VPS13D: variants seen among roughly 807,000 people sequenced by gnomAD.
VPS13D encodes the protein intermembrane lipid transfer protein VPS13D.
A neutral mutation model predicts 461.9 loss-of-function variants in VPS13D; 187 were observed. The ratio of observed to expected loss-of-function variants is 0.40; its 90% CI spans 0.36 to 0.46. The LOEUF is 0.46. VPS13D is among the 20% of genes least tolerant of loss of function. VPS13D has a pLI of 0.60. For synonymous variants in VPS13D, 1,951 were observed against 1,986.3 expected (o/e 0.98, Z 0.47); for missense variants, 4,711 against 5,364.9 (o/e 0.88, Z 3.81).
At chr1:12,278,770 T>G (rs1277122094) in intron 19 of VPS13D, among the ~76,000 whole-genome samples, 1 of 152,232 alleles carries the variant, frequency 6.6e-6, no homozygotes, top group East Asian at 1.9e-4. Context: ...GTAAATAGTT[T>G]GTGGATATTA....
At chr1:12,262,233 G>A (rs1252205619) in intron 13 of VPS13D, among the ~76,000 whole-genome samples, 153 bp downstream of exon 13, 1 of 152,102 alleles carries the variant, frequency 6.6e-6, no homozygotes, top group Non-Finnish European at 1.5e-5. Flanking sequence ...GGAAATACTG[G>A]GTTAGGTTCA....
chr1:12,277,668 A>G lies in VPS13D; in HGVS notation c.4080A>G (p.Ile1360Met). 6.2e-7 allele frequency: 1 copy of G among 1,614,210 alleles called. No homozygotes were observed. The highest frequency in any genetic ancestry group is 1.3e-5 in the African/African-American group (1 of 75,058). The change falls in exon 19 of 70, where the codon ATA becomes ATG. Residue 1360 changes from isoleucine to methionine, a missense_variant. Physicochemically the swap from Ile to Met is conservative, Grantham distance 10. This residue lies in a region of VPS13D where 4,411 missense variants were observed against 4,937.8 expected (regional missense o/e 0.89). Transcript: ENST00000620676. The stretch of plus-strand genomic sequence containing the variant: ...CCTTTATCTTAGAGGAAAATGAAAT[A>G]TATGGGTTTGACCTAGCTTCGTCTC... ...REPFILEENE[I>M]YGFDLASSHL...
intron 6 of VPS13D, 28 bp from the exon 7 acceptor site, chr1:12,253,694 A>G (rs1286605412): frequency 6.5e-6 from 10 of 1,535,438 alleles, no homozygotes; most frequent in East Asian, 2.2e-5. Flanking sequence ...CAGTCATCCT[A>G]TTTTCTTCTT....
At chr1:12,445,311 G>A (rs541493275) in intron 65 of VPS13D, among the ~76,000 whole-genome samples, 7 of 152,284 alleles carry the variant, frequency 4.6e-5, no homozygotes, top group Middle Eastern at 3.4e-3. Context: ...CTTTCTAGTC[G>A]TTGAAGGTTT....
intron 60 of VPS13D, among the ~76,000 whole-genome samples, chr1:12,394,726 T>A (rs1365724920): frequency 6.6e-6 from 1 of 151,978 alleles, no homozygotes; most frequent in East Asian, 1.9e-4. Flanking sequence ...TTGGATCCCT[T>A]CCTGTACGTT....
chr1:12,292,334 T>C (rs1225526546), intron 23 of VPS13D, among the ~76,000 whole-genome samples: 1 of 150,902 alleles, frequency 6.6e-6, no homozygotes, highest in African/African-American at 2.4e-5. Context: ...TTCAACCCTT[T>C]TTTTTTTCTT....
intron 67 of VPS13D, among the ~76,000 whole-genome samples, chr1:12,468,845 C>T (rs1169438196): frequency 6.6e-6 from 1 of 152,068 alleles, no homozygotes; most frequent in African/African-American, 2.4e-5. Context: ...CCAGCCTGGG[C>T]AACATAGTGA....
intron 40 of VPS13D, among the ~76,000 whole-genome samples, chr1:12,340,749 TA>T (rs1183680194): frequency 1.3e-5 from 2 of 152,238 alleles, no homozygotes; most frequent in African/African-American, 4.8e-5. Context: ...GCTAGACACA[TA>T]AGAAGATTGA....
intron 56 of VPS13D, 122 bp from the exon 57 acceptor site, chr1:12,379,366 T>C (rs1324528602): frequency 1.3e-6 from 1 of 796,556 alleles, no homozygotes; most frequent in African/African-American, 1.8e-5. Context: ...AACTACCCAT[T>C]CAGTTTTAAG....
intron 65 of VPS13D, among the ~76,000 whole-genome samples, chr1:12,427,751 G>A (rs1644940822): frequency 6.6e-6 from 1 of 152,166 alleles, no homozygotes; most frequent in Non-Finnish European, 1.5e-5. Flanking sequence ...AATGGATACT[G>A]AGGGACAGCT....
chr1:12,369,350 C>A, intron 53 of VPS13D, 117 bp from the exon 54 acceptor site: 5 of 876,618 alleles, frequency 5.7e-6, no homozygotes, highest in Non-Finnish European at 9.0e-6. Flanking sequence ...GGGCTTATTT[C>A]CTGTGTAAGA....
rs770870039 is a variant in VPS13D, at chr1:12,256,415, A to G, written c.752A>G (p.Asn251Ser). The G allele has an allele frequency of 5.0e-6, 8 of 1,614,072 alleles. 1 individual carries two copies. In the South Asian group the frequency reaches 5.5e-5, roughly 11 times the overall value. ...PVFASALLKR[N>S]CSKKPLRSRH... ...TTTGCATCTGCTCTTTTGAAGAGAA[A>G]CTGCTCCAAGAAGCCCCTGCGGTCT... Residue 251 changes from asparagine (N) to serine (S), a missense_variant, in exon 8 of 70, where the codon AAC becomes AGC. Physicochemically the swap from Asn to Ser is conservative, Grantham distance 46 (BLOSUM62 1). Coordinates refer to ENST00000620676, the MANE Select transcript of VPS13D (RefSeq NM_015378.4).
intron 4 of VPS13D, 35 bp downstream of exon 4, chr1:12,244,471 TGTGGTGACAC>T: frequency 6.2e-7 from 1 of 1,614,060 alleles, no homozygotes; most frequent in East Asian, 2.2e-5. Context: ...TAAGAGCAGT[TGTGGTGACAC>T]GTGTAAGATG....
chr1:12,400,455 A>C, intron 61 of VPS13D, 125 bp downstream of exon 61: 1 of 1,135,140 alleles, frequency 8.8e-7, no homozygotes, highest in Non-Finnish European at 1.3e-6. Flanking sequence ...GTTAAACCAC[A>C]TGTGACATAA....
At chr1:12,354,251 A>G (rs1213182905) in intron 47 of VPS13D, 30 bp downstream of exon 47, 2 of 1,608,736 alleles carry the variant, frequency 1.2e-6, no homozygotes, top group African/African-American at 1.3e-5. Context: ...ATCATTTGTC[A>G]TAATCCTATG....
At chr1:12,259,535 C>T (rs1641036602) in intron 10 of VPS13D, among the ~76,000 whole-genome samples, 1 of 152,070 alleles carries the variant, frequency 6.6e-6, no homozygotes, top group Non-Finnish European at 1.5e-5. Context: ...AACTCCTGGG[C>T]TCAAGCAATT....
chr1:12,386,689 G>C (rs1460798571), intron 60 of VPS13D, among the ~76,000 whole-genome samples: 1 of 152,168 alleles, frequency 6.6e-6, no homozygotes, highest in African/African-American at 2.4e-5. Flanking sequence ...TTTGCTTTCA[G>C]TCAAGATGGA....
intron 46 of VPS13D, 42 bp from the exon 47 acceptor site, chr1:12,353,932 T>C: frequency 6.3e-7 from 1 of 1,586,054 alleles, no homozygotes; most frequent in Non-Finnish European, 8.6e-7. Flanking sequence ...ATTTAAGTTC[T>C]TCATTAAGTC....
intron 1 of VPS13D, among the ~76,000 whole-genome samples, chr1:12,230,598 C>T (rs1023209901): frequency 2.6e-5 from 4 of 152,116 alleles, no homozygotes; most frequent in Non-Finnish European, 5.9e-5. Context: ...AGTGGGGTGT[C>T]AGTTCTCTAG....
Sources: allele counts gnomAD v4.1 joint callset (sites outside exome capture counted in the v4.1 genomes callset), GRCh38; gene constraint gnomAD v4.1.1; regional missense constraint gnomAD v4.1.1; transcripts MANE v1.5; gene names NCBI Gene and HGNC (gene_info 2026-07-23, HGNC 2026-07-21).